The following LRMDA variants were observed in gnomAD, a reference collection of about 807,000 sequenced individuals.
The protein encoded by LRMDA is leucine-rich melanocyte differentiation-associated protein.
A neutral mutation model predicts 29.8 loss-of-function variants in LRMDA; 18 were observed. That is an observed-to-expected ratio of 0.60 (90% CI 0.42 to 0.90). LRMDA has a LOEUF of 0.90. Among genes scored for constraint, LRMDA ranks in the 40% least tolerant of loss-of-function variants. The probability of loss-of-function intolerance (pLI) is 0.00; values close to 1 mark genes in which losing one functional copy is unlikely to be tolerated. For missense variants in LRMDA, 273 were observed against 273.9 expected, an observed-to-expected ratio of 1.00 and a Z score of 0.02; for synonymous variants, 125 against 109.4, an observed-to-expected ratio of 1.14 and a Z score of -0.89.
At chr10:76,548,718 C>G (rs1337121734) in intron 6 of LRMDA, among the ~76,000 whole-genome samples, 1 of 152,180 alleles carries the variant, frequency 6.6e-6, no homozygotes, top group East Asian at 1.9e-4. Context: ...TCAGTTGGTA[C>G]TCACTTGTTA....
intron 2 of LRMDA, among the ~76,000 whole-genome samples, chr10:75,763,762 T>C (rs1320307753): frequency 6.7e-6 from 1 of 149,630 alleles, no homozygotes; most frequent in Non-Finnish European, 1.5e-5. Flanking sequence ...CTAAACCTGG[T>C]TGGGAGGTAG....
At chr10:75,911,612 T>C (rs766113184) in intron 2 of LRMDA, among the ~76,000 whole-genome samples, 2 of 152,210 alleles carry the variant, frequency 1.3e-5, no homozygotes, top group Non-Finnish European at 2.9e-5. Flanking sequence ...GCTAATAAGA[T>C]AGGAATTCAA....
intron 5 of LRMDA, among the ~76,000 whole-genome samples, chr10:76,152,968 G>A (rs966435743): frequency 2.6e-5 from 4 of 151,900 alleles, no homozygotes; most frequent in Non-Finnish European, 4.4e-5. Flanking sequence ...AGCCTCCCAA[G>A]TAGCTGGGAT....
intron 6 of LRMDA, among the ~76,000 whole-genome samples, chr10:76,543,772 C>T (rs148849134): frequency 5.3e-5 from 8 of 152,312 alleles, no homozygotes; most frequent in Admixed American, 3.9e-4. Context: ...GCTTATTACT[C>T]ATGGAACATT....
chr10:75,691,503 G>A (rs145462177), intron 2 of LRMDA, among the ~76,000 whole-genome samples: 103 of 152,190 alleles, frequency 6.8e-4, no homozygotes, highest in Non-Finnish European at 1.2e-3. Flanking sequence ...AGCCTACCTT[G>A]TTCCCACTGC....
At chr10:75,822,510 T>G (rs1844180170) in intron 2 of LRMDA, among the ~76,000 whole-genome samples, 1 of 152,050 alleles carries the variant, frequency 6.6e-6, no homozygotes, top group Non-Finnish European at 1.5e-5. Context: ...CCAAAGCAAC[T>G]CTAAGCAAAA....
At chr10:76,141,526 A>C (rs1850200946) in intron 5 of LRMDA, among the ~76,000 whole-genome samples, 1 of 152,270 alleles carries the variant, frequency 6.6e-6, no homozygotes, top group South Asian at 2.1e-4. Flanking sequence ...TGTACACCTA[A>C]GTAGGTTAAG....
At chr10:75,787,935 A>G (rs187585806) in intron 2 of LRMDA, among the ~76,000 whole-genome samples, 1 of 152,350 alleles carries the variant, frequency 6.6e-6, no homozygotes, top group Admixed American at 6.5e-5. Flanking sequence ...AGGCTGAGGC[A>G]GGAGAATGGC....
intron 5 of LRMDA, among the ~76,000 whole-genome samples, chr10:76,166,905 C>T (rs1850750998): frequency 6.6e-6 from 1 of 152,212 alleles, no homozygotes; most frequent in Non-Finnish European, 1.5e-5. Flanking sequence ...TCTAGACTCC[C>T]ACCAACAGTA....
At chr10:76,030,622 C>T (rs570447778) in intron 2 of LRMDA, among the ~76,000 whole-genome samples, 1 of 152,116 alleles carries the variant, frequency 6.6e-6, no homozygotes, top group African/African-American at 2.4e-5. Context: ...AACCCTGTCT[C>T]TACTAAAAAT....
At chr10:75,993,321 G>T (rs527321222) in intron 2 of LRMDA, among the ~76,000 whole-genome samples, 88 of 152,240 alleles carry the variant, frequency 5.8e-4, no homozygotes, top group African/African-American at 2.1e-3. Flanking sequence ...AGGAGGAGGA[G>T]GATACTATGT....
chr10:76,302,294 A>G (rs1454784071), intron 5 of LRMDA, among the ~76,000 whole-genome samples: 1 of 152,214 alleles, frequency 6.6e-6, no homozygotes. Context: ...CTGTTGCTCC[A>G]TCTTGAGAAC....
intron 2 of LRMDA, among the ~76,000 whole-genome samples, chr10:75,578,156 A>G (rs1295152824): frequency 2.0e-5 from 3 of 148,962 alleles, no homozygotes; most frequent in Admixed American, 1.4e-4. Context: ...CTCATGTGCA[A>G]AGACACACAG....
chr10:75,834,422 AGTATC>A (rs1369716341), intron 2 of LRMDA, among the ~76,000 whole-genome samples: 2 of 152,190 alleles, frequency 1.3e-5, no homozygotes, highest in Non-Finnish European at 2.9e-5. Context: ...TTCTTTCTAG[AGTATC>A]CCTTCATGGC....
chr10:75,786,933 G>A (rs768339056), intron 2 of LRMDA, among the ~76,000 whole-genome samples: 17 of 152,186 alleles, frequency 1.1e-4, no homozygotes, highest in Non-Finnish European at 7.3e-5. Context: ...CAGTAATTTT[G>A]TGTAAGAAAA....
intron 2 of LRMDA, among the ~76,000 whole-genome samples, chr10:75,878,834 C>T (rs1360079804): frequency 6.6e-6 from 1 of 152,046 alleles, no homozygotes; most frequent in Non-Finnish European, 1.5e-5. Context: ...CTTGACCAGC[C>T]ACCTCTCAGA....
chr10:76,095,668 A>G (rs936176577), intron 5 of LRMDA, among the ~76,000 whole-genome samples: 1 of 152,228 alleles, frequency 6.6e-6, no homozygotes, highest in African/African-American at 2.4e-5. Context: ...GATATTGTCA[A>G]TATCTTTTTG....
chr10:76,151,356 T>A (rs1850438941), intron 5 of LRMDA, among the ~76,000 whole-genome samples: 1 of 152,212 alleles, frequency 6.6e-6, no homozygotes, highest in African/African-American at 2.4e-5. Context: ...AGCAGTTGCC[T>A]AAGCCCACAG....
chr10:76,192,154 T>C lies in LRMDA; in HGVS notation c.517-132247T>C, dbSNP rs144702520. ...TAAGTTAAAAGTAAACAGCAGTCAC[T>C]TGCTTCCTTGGTTCTTAGATTCTAG... On this transcript the variant is annotated intron_variant, in intron 5 of 6. Coordinates refer to ENST00000611255, the MANE Select transcript of LRMDA (RefSeq NM_001305581.2). 1.5e-3 allele frequency among the ~76,000 whole-genome samples: 226 copies of C among 152,304 alleles called. 1 individual carries two copies. The highest frequency in any genetic ancestry group is 3.4e-3 in the Middle Eastern group (1 of 294).
Sources: gnomAD v4.1 joint callset for allele counts (sites outside exome capture counted in the v4.1 genomes callset) on GRCh38, gnomAD v4.1.1 for gene constraint, MANE v1.5 for transcripts, NCBI Gene and HGNC (gene_info 2026-07-23, HGNC 2026-07-21) for gene names.